The following ATP2C1 variants were observed in gnomAD, a reference collection of about 807,000 sequenced individuals.
The protein encoded by ATP2C1 is calcium-transporting ATPase type 2C member 1.
Under a neutral mutation model 120.5 loss-of-function variants are expected in ATP2C1, and 31 were observed. The ratio of observed to expected loss-of-function variants is 0.26; its 90% confidence interval spans 0.19 to 0.35. ATP2C1 has a LOEUF of 0.35. ATP2C1 is among the 10% of genes least tolerant of loss of function. ATP2C1 has a pLI of 1.00. For missense variants in ATP2C1, 731 were observed against 1,107.5 expected (o/e 0.66, Z 4.83); for synonymous variants, 351 against 358.7 (o/e 0.98, Z 0.24).
chr3:130,966,421 T>A (rs1203434357), intron 14 of ATP2C1, among the ~76,000 whole-genome samples: 1 of 152,028 alleles, frequency 6.6e-6, no homozygotes, highest in Non-Finnish European at 1.5e-5. Context: ...CATTAAACAT[T>A]TTTTATTTAT....
intron 1 of ATP2C1, among the ~76,000 whole-genome samples, chr3:130,855,709 G>C (rs1489003938): frequency 1.3e-5 from 2 of 152,194 alleles, no homozygotes; most frequent in Admixed American, 1.3e-4. Context: ...GATGGGTCCA[G>C]AGAATAGGTG....
chr3:130,940,518 A>G, intron 6 of ATP2C1, 112 bp from the exon 7 acceptor site: 1 of 753,450 alleles, frequency 1.3e-6, no homozygotes, highest in Non-Finnish European at 2.3e-6. Context: ...GCACAAGTAA[A>G]GGAAAAGATG....
At chr3:130,952,442 G>T (rs1414470859) in intron 8 of ATP2C1, among the ~76,000 whole-genome samples, 1 of 152,060 alleles carries the variant, frequency 6.6e-6, no homozygotes, top group Admixed American at 6.6e-5. Context: ...AGGTTTTTAT[G>T]CTCAGAAGTG....
intron 8 of ATP2C1, among the ~76,000 whole-genome samples, chr3:130,947,413 C>A (rs2060198857): frequency 1.3e-5 from 2 of 152,116 alleles, no homozygotes; most frequent in South Asian, 4.1e-4. Flanking sequence ...CAAAGGAAAA[C>A]CCTTACCTCT....
At chr3:130,926,759 G>A (rs969997922) in intron 2 of ATP2C1, among the ~76,000 whole-genome samples, 1 of 152,214 alleles carries the variant, frequency 6.6e-6, no homozygotes, top group African/African-American at 2.4e-5. Context: ...CCAACTCCAT[G>A]TGTATTTTAT....
At chr3:130,975,514 T>C in intron 18 of ATP2C1, 26 bp downstream of exon 18, 1 of 1,611,836 alleles carries the variant, frequency 6.2e-7, no homozygotes, top group Non-Finnish European at 8.5e-7. Context: ...CATAGTCCCC[T>C]GGGGTGGAAA....
chr3:130,893,419 C>T (rs905040855), upstream of ATP2C1, among the ~76,000 whole-genome samples: 11 of 152,188 alleles, frequency 7.2e-5, no homozygotes, highest in Non-Finnish European at 1.5e-5. Flanking sequence ...ACTAAGCACA[C>T]CCCTTAAAGA....
chr3:130,904,653 C>T (rs1364842534), intron 2 of ATP2C1, among the ~76,000 whole-genome samples: 1 of 151,982 alleles, frequency 6.6e-6, no homozygotes. Context: ...TATACTGTGT[C>T]CCATCATACT....
chr3:130,869,683 T>A (rs1302020248), intron 1 of ATP2C1, among the ~76,000 whole-genome samples: 4 of 152,234 alleles, frequency 2.6e-5, no homozygotes, highest in Non-Finnish European at 5.9e-5. Flanking sequence ...AGGCATACCA[T>A]TCCTTTAGGC....
At chr3:130,908,626 C>T (rs902460409) in intron 2 of ATP2C1, among the ~76,000 whole-genome samples, 8 of 152,044 alleles carry the variant, frequency 5.3e-5, no homozygotes, top group Admixed American at 4.6e-4. Flanking sequence ...AAACAATGAG[C>T]AGGTTTTTGT....
chr3:130,867,019 T>C (rs2068200134), intron 1 of ATP2C1, among the ~76,000 whole-genome samples: 1 of 152,220 alleles, frequency 6.6e-6, no homozygotes, highest in African/African-American at 2.4e-5. Flanking sequence ...ATATCTGTTA[T>C]GATGACCTGT....
At chr3:131,003,549 A>T (rs2062986948), downstream of ATP2C1, among the ~76,000 whole-genome samples, 1 of 152,226 alleles carries the variant, frequency 6.6e-6, no homozygotes, top group Non-Finnish European at 1.5e-5. Flanking sequence ...CAGTTCTGAA[A>T]TGATCAAAAC....
At chr3:130,935,370 A>G (rs1434211014) in intron 5 of ATP2C1, among the ~76,000 whole-genome samples, 1 of 152,260 alleles carries the variant, frequency 6.6e-6, no homozygotes, top group Non-Finnish European at 1.5e-5. Context: ...TATTTACAGC[A>G]TACATTTACT....
At chr3:130,946,341 A>G (rs1003231746) in intron 8 of ATP2C1, among the ~76,000 whole-genome samples, 3 of 152,252 alleles carry the variant, frequency 2.0e-5, no homozygotes, top group Admixed American at 6.5e-5. Flanking sequence ...TTGTTATAGT[A>G]TAGCAGTTTG....
chr3:130,979,609 T>C lies in ATP2C1; in HGVS notation c.1741+190T>C, dbSNP rs1262110084. Among the ~76,000 whole-genome samples, 3 of 152,184 alleles carry C rather than the reference T, an allele frequency of 2.0e-5. No individual in the cohort carries two copies. In the East Asian group the frequency reaches 5.8e-4, roughly 29 times the overall value. ...GATTATAGTTTAAAAAGTAATAACT[T>C]TGACATGCATAACTAAATCATGAAA... On this transcript the variant is annotated intron_variant, in intron 19 of 27. Transcript: ENST00000510168.
Position 130,894,533 on chromosome 3 carries a change from C to G in ATP2C1, c.-180-57C>G, listed in dbSNP as rs115940289. 5.7e-6 allele frequency: 8 copies of G among 1,393,594 alleles called. No individual in the cohort carries two copies. The highest frequency in any genetic ancestry group is 2.7e-5 in the East Asian group (1 of 37,398). The allele number at this position is 1,393,594 out of a possible 1,614,324, so 86.3% of individuals were successfully genotyped here. A position where few individuals can be genotyped will look rare whatever the true frequency, so the allele number is the denominator to read the frequency against. ...GGGGGCTCCCGAGATAGTGGCTGGG[C>G]GGGGAACTCCTTCCTCAGCCTCTCG... is the stretch of plus-strand genomic sequence containing the variant. On this transcript the variant is annotated intron_variant, in intron 1 of 27. Coordinates refer to ENST00000510168, the MANE Select transcript of ATP2C1 (RefSeq NM_001378687.1). The surrounding 1 kb of genome is among the most constrained non-coding windows in gnomAD (Gnocchi z 4.5).
chr3:130,867,593 T>G (rs1232720691), intron 1 of ATP2C1, among the ~76,000 whole-genome samples: 3 of 150,840 alleles, frequency 2.0e-5, no homozygotes, highest in Non-Finnish European at 3.0e-5. Context: ...CACTCAGTGC[T>G]CAATGGTGCC....
At chr3:130,949,987 G>A (rs1345265418) in intron 8 of ATP2C1, among the ~76,000 whole-genome samples, 1 of 152,092 alleles carries the variant, frequency 6.6e-6, no homozygotes, top group Non-Finnish European at 1.5e-5. Flanking sequence ...CCTTATCAGT[G>A]TACCGTATGT....
intron 2 of ATP2C1, among the ~76,000 whole-genome samples, chr3:130,911,258 G>C (rs2058394993): frequency 1.4e-5 from 2 of 145,886 alleles, no homozygotes; most frequent in African/African-American, 5.1e-5. Flanking sequence ...AGTATTCTCT[G>C]ATGGTAGTTT....
Sources: gnomAD v4.1 joint callset for allele counts (sites outside exome capture counted in the v4.1 genomes callset) on GRCh38, gnomAD v4.1.1 for gene constraint, Gnocchi (gnomAD v3.1) non-coding constraint, MANE v1.5 for transcripts, NCBI Gene and HGNC (gene_info 2026-07-23, HGNC 2026-07-21) for gene names.